Variants in METTL15 observed in about 807,000 individuals in gnomAD.
METTL15 encodes methyltransferase 15, mitochondrial 12S rRNA N4-cytidine, also known as 12S rRNA N(4)-cytidine methyltransferase METTL15.
A neutral mutation model predicts 38.3 loss-of-function variants in METTL15; 34 were observed. That is an observed-to-expected ratio of 0.89 (90% CI 0.68 to 1.18). The LOEUF (loss-of-function observed/expected upper bound fraction) is 1.18, where lower values mean the gene tolerates loss of function less well. Among genes scored for constraint, METTL15 ranks in the 50% most tolerant of loss-of-function variants. The pLI is 0.00. For synonymous variants in METTL15, 162 were observed against 170.9 expected, an observed-to-expected ratio of 0.95 and a Z score of 0.41; for missense variants, 438 against 498.4, an observed-to-expected ratio of 0.88 and a Z score of 1.15.
At chr11:28,228,627 G>A (rs908681661) in intron 4 of METTL15, among the ~76,000 whole-genome samples, 1 of 151,696 alleles carries the variant, frequency 6.6e-6, no homozygotes, top group African/African-American at 2.4e-5. Flanking sequence ...AAGTTTCTGT[G>A]TATATGTGAC....
intron 3 of METTL15, among the ~76,000 whole-genome samples, chr11:28,176,914 A>G (rs1288355377): frequency 1.3e-5 from 2 of 152,120 alleles, no homozygotes; most frequent in East Asian, 1.9e-4. Context: ...TCAAAGTGGA[A>G]TAGCTGGATA....
intron 5 of METTL15, among the ~76,000 whole-genome samples, chr11:28,379,380 T>C (rs1376640037): frequency 6.6e-6 from 1 of 152,180 alleles, no homozygotes; most frequent in Admixed American, 6.5e-5. Flanking sequence ...TCATTTGCTG[T>C]ATCCCATAGA....
intron 5 of METTL15, among the ~76,000 whole-genome samples, chr11:28,363,183 A>AT (rs947804410): frequency 2.0e-5 from 3 of 149,800 alleles, no homozygotes; most frequent in South Asian, 2.1e-4. Context: ...TTTATTTTTT[A>AT]TTTTTTTTGA....
chr11:28,412,247 T>C (rs1850733907), intron 5 of METTL15, among the ~76,000 whole-genome samples: 2 of 151,972 alleles, frequency 1.3e-5, no homozygotes, highest in African/African-American at 4.8e-5. Context: ...TCTGGGTATA[T>C]ACCCAAAGGA....
intron 4 of METTL15, among the ~76,000 whole-genome samples, chr11:28,275,407 A>G (rs747712574): frequency 1.4e-4 from 21 of 151,974 alleles, no homozygotes; most frequent in Non-Finnish European, 2.5e-4. Context: ...TGAACAAGGA[A>G]GAAATAGATA....
rs559593176 is a variant in METTL15, at chr11:28,238,547, C to T, written c.407+27349C>T. Among the ~76,000 whole-genome samples, 4 of 152,322 alleles carry T rather than the reference C, an allele frequency of 2.6e-5. 1 individual carries two copies. Among genetic ancestry groups the T allele is most frequent in the African/African-American group, 7.2e-5 (3 of 41,578 alleles). ...GACCAGGAAAGGGAACTCCCTGACC[C>T]CTTGCACTTCCCGAGTGAGGCAGTG... On this transcript the variant is annotated intron_variant, in intron 4 of 6. Coordinates refer to ENST00000407364, the MANE Select transcript of METTL15 (RefSeq NM_001113528.2).
intron 3 of METTL15, among the ~76,000 whole-genome samples, chr11:28,119,628 TATA>T (rs1390783311): frequency 2.6e-5 from 4 of 152,236 alleles, no homozygotes; most frequent in Non-Finnish European, 5.9e-5. Flanking sequence ...TATTTTAAGT[TATA>T]ATGTTTAGTA....
chr11:28,355,361 G>C (rs1421201739), intron 4 of METTL15, among the ~76,000 whole-genome samples: 1 of 152,188 alleles, frequency 6.6e-6, no homozygotes, highest in Non-Finnish European at 1.5e-5. Context: ...TTTAAAGTAT[G>C]TCAATTTGGA....
chr11:28,522,609 C>T (rs1045608833), intron 6 of METTL15, among the ~76,000 whole-genome samples: 2 of 152,200 alleles, frequency 1.3e-5, no homozygotes, highest in African/African-American at 4.8e-5. Flanking sequence ...TGTCACATAT[C>T]TGGACACTAT....
chr11:28,441,397 A>G (rs1206229138), intron 6 of METTL15, among the ~76,000 whole-genome samples: 1 of 152,182 alleles, frequency 6.6e-6, no homozygotes, highest in East Asian at 1.9e-4. Context: ...ACAACATTGA[A>G]TGGAATATTC....
chr11:28,415,426 C>G (rs2133416225), intron 5 of METTL15, among the ~76,000 whole-genome samples: 1 of 152,224 alleles, frequency 6.6e-6, no homozygotes, highest in Admixed American at 6.5e-5. Context: ...TTCTTAGTTC[C>G]AGCATTAGAA....
chr11:28,140,653 AGAGT>A (rs1348169834), intron 3 of METTL15, among the ~76,000 whole-genome samples: 1 of 152,206 alleles, frequency 6.6e-6, no homozygotes, highest in Non-Finnish European at 1.5e-5. Context: ...TGGACATCAA[AGAGT>A]GAGTGGAGTA....
At chr11:28,449,906 A>C (rs1289476008) in intron 6 of METTL15, among the ~76,000 whole-genome samples, 2 of 152,184 alleles carry the variant, frequency 1.3e-5, no homozygotes, top group Non-Finnish European at 2.9e-5. Context: ...TTTGAAAATG[A>C]TCTTCCAGTC....
At chr11:28,337,099 C>G (rs912152254), downstream of METTL15, among the ~76,000 whole-genome samples, 1 of 151,814 alleles carries the variant, frequency 6.6e-6, no homozygotes, top group Non-Finnish European at 1.5e-5. Flanking sequence ...AAAATTAATA[C>G]AAAAAATATA....
intron 3 of METTL15, among the ~76,000 whole-genome samples, chr11:28,169,854 GTGT>G (rs1162100584): frequency 4.6e-5 from 7 of 151,922 alleles, no homozygotes; most frequent in African/African-American, 1.2e-4. Flanking sequence ...TTGCAGCAGA[GTGT>G]TGTTATTTTA....
downstream of METTL15, among the ~76,000 whole-genome samples, chr11:28,531,842 A>T (rs1387403212): frequency 6.6e-6 from 1 of 152,020 alleles, no homozygotes; most frequent in African/African-American, 2.4e-5. Flanking sequence ...AGAATCCTGC[A>T]TATCTTTTTA....
intron 5 of METTL15, among the ~76,000 whole-genome samples, chr11:28,369,599 T>C (rs1407190972): frequency 6.6e-6 from 1 of 152,124 alleles, no homozygotes; most frequent in Admixed American, 6.6e-5. Context: ...TATTAGTAGA[T>C]TTCTCAGCAG....
chr11:28,214,841 T>C (rs1480430001), intron 4 of METTL15, among the ~76,000 whole-genome samples: 1 of 152,172 alleles, frequency 6.6e-6, no homozygotes, highest in East Asian at 1.9e-4. Context: ...ATAAGATGTT[T>C]AGCTAAAAAT....
chr11:28,460,214 A>G (rs945639376), intron 6 of METTL15, among the ~76,000 whole-genome samples: 3 of 152,094 alleles, frequency 2.0e-5, no homozygotes, highest in Admixed American at 2.0e-4. Context: ...CTGTATCTCT[A>G]TATCCACAAT....
Sources: allele counts gnomAD v4.1 joint callset (sites outside exome capture counted in the v4.1 genomes callset), GRCh38; gene constraint gnomAD v4.1.1; transcripts MANE v1.5; gene names NCBI Gene and HGNC (gene_info 2026-07-23, HGNC 2026-07-21).